The following ZNF169 variants were observed in gnomAD, a reference collection of about 807,000 sequenced individuals.
ZNF169 encodes zinc finger protein 169.
Under a neutral mutation model 12.0 loss-of-function variants are expected in ZNF169, and 11 were observed. That is an observed-to-expected ratio of 0.92 (90% CI 0.58 to 1.52). The LOEUF (loss-of-function observed/expected upper bound fraction) is 1.52, where lower values mean the gene tolerates loss of function less well. Ranked by LOEUF, ZNF169 falls within the 40% of genes most tolerant of loss-of-function variation. The pLI is 0.00. For missense variants in ZNF169, 722 were observed against 744.0 expected (o/e 0.97, Z 0.34); for synonymous variants, 302 against 286.5 (o/e 1.05, Z -0.55).
At chr9:94,293,176 C>A in intron 4 of ZNF169, 107 bp downstream of exon 4, 1 of 972,058 alleles carries the variant, frequency 1.0e-6, no homozygotes, top group Non-Finnish European at 1.6e-6. Flanking sequence ...CTTCTTCAGG[C>A]CTCCTAGGCC....
At chr9:94,285,442 G>A (rs1416678295) in intron 2 of ZNF169, among the ~76,000 whole-genome samples, 3 of 152,090 alleles carry the variant, frequency 2.0e-5, no homozygotes, top group Non-Finnish European at 4.4e-5. Flanking sequence ...ATCTTTGGAG[G>A]TTGGAAGGGG....
At chr9:94,278,442 AT>A (rs1269805981) in intron 1 of ZNF169, among the ~76,000 whole-genome samples, 1 of 152,102 alleles carries the variant, frequency 6.6e-6, no homozygotes, top group Non-Finnish European at 1.5e-5. Flanking sequence ...GAGGCATTTT[AT>A]TTTTTAACAT....
chr9:94,287,417 G>C (rs1459225544), intron 2 of ZNF169, among the ~76,000 whole-genome samples: 1 of 152,202 alleles, frequency 6.6e-6, no homozygotes, highest in Non-Finnish European at 1.5e-5. Context: ...CCAGGCTGGA[G>C]TGCAGTGGCG....
chr9:94,274,827 G>A (rs957560409), intron 1 of ZNF169, among the ~76,000 whole-genome samples: 5 of 152,198 alleles, frequency 3.3e-5, no homozygotes, highest in Admixed American at 2.0e-4. Context: ...CTGGCAACAT[G>A]GTCCACTATA....
At position 94,301,212 on chromosome 9, in the gene ZNF169, G is replaced by A. The variant is rs1434516928; in HGVS notation, c.1654G>A (p.Gly552Ser). ...CICDECGRGFGFKSALIRHQR... is the reference protein window; with the variant it reads ...CICDECGRGFSFKSALIRHQR... ...TTGCGATGAATGTGGGCGCGGCTTT[G>A]GCTTTAAGTCTGCCCTCATCCGACA... The change falls in exon 5 of 5, where the codon GGC becomes AGC. Residue 552 changes from glycine to serine, a missense_variant. By Grantham distance (56) the Gly-to-Ser change is moderately conservative. Coordinates refer to ENST00000395395, the MANE Select transcript of ZNF169 (RefSeq NM_194320.4). 1 of 1,613,862 alleles carries A rather than the reference G, an allele frequency of 6.2e-7. No individual in the cohort carries two copies. The highest frequency in any genetic ancestry group is 1.3e-5 in the African/African-American group (1 of 74,884).
At chr9:94,269,253 T>TC (rs1313736868) in intron 1 of ZNF169, among the ~76,000 whole-genome samples, 5 of 152,034 alleles carry the variant, frequency 3.3e-5, no homozygotes, top group African/African-American at 9.7e-5. Context: ...CAAAACCTGA[T>TC]CTCAACCAAA....
chr9:94,291,102 TG>T (rs1346451254), intron 2 of ZNF169, among the ~76,000 whole-genome samples: 4 of 128,536 alleles, frequency 3.1e-5, no homozygotes, highest in African/African-American at 8.5e-5. Context: ...TTGCCCAGGC[TG>T]GAGTGTAGTG....
chr9:94,288,238 G>C (rs10993142), intron 2 of ZNF169: 71,625 of 808,580 alleles, frequency 0.089, 3,996 homozygotes, highest in South Asian at 0.13. Context: ...CCCAGTGTTA[G>C]GTGAGAAGGA....
chr9:94,268,648 C>T (rs10993131), intron 1 of ZNF169, among the ~76,000 whole-genome samples: 14,085 of 151,402 alleles, frequency 0.093, 1,133 homozygotes, highest in East Asian at 0.37. Context: ...ATTAGCTGGG[C>T]GGGGTGGTGG....
chr9:94,265,871 C>T (rs1295890989), intron 1 of ZNF169, among the ~76,000 whole-genome samples: 1 of 151,964 alleles, frequency 6.6e-6, no homozygotes, highest in East Asian at 1.9e-4. Context: ...TTTCTTCAGA[C>T]CCACAATAAA....
intron 4 of ZNF169, among the ~76,000 whole-genome samples, chr9:94,298,045 T>C (rs1425358864): frequency 2.6e-5 from 4 of 151,720 alleles, no homozygotes; most frequent in African/African-American, 9.7e-5. Context: ...GGTGCGCCTG[T>C]AATCCCAGCT....
chr9:94,289,009 AT>A, intron 2 of ZNF169, among the ~76,000 whole-genome samples: 1 of 152,308 alleles, frequency 6.6e-6, no homozygotes, highest in South Asian at 2.1e-4. Context: ...TCTGATGTGG[AT>A]TTGAATGTAT....
At chr9:94,265,021 G>GTTTTTTTTTTTTTTTTTTTTTTTTTTTTT (rs55756013) in intron 1 of ZNF169, among the ~76,000 whole-genome samples, 1 of 90,682 alleles carries the variant, frequency 1.1e-5, no homozygotes, top group Non-Finnish European at 2.0e-5. Flanking sequence ...TCTGTACCCT[G>GTTTTTTTTTTTTTTTTTTTTTTTTTTTTT]TTTTTTTTTT....
chr9:94,288,652 C>T (rs1033453220), intron 2 of ZNF169: 10 of 372,262 alleles, frequency 2.7e-5, no homozygotes, highest in African/African-American at 1.5e-4. Flanking sequence ...TGAGTTCTCA[C>T]GAGATCTGAT....
intron 2 of ZNF169, chr9:94,287,704 C>T: frequency 8.3e-7 from 1 of 1,209,112 alleles, no homozygotes; most frequent in Non-Finnish European, 1.2e-6. Context: ...TTCATTTATG[C>T]TTGAAATTCT....
intron 2 of ZNF169, among the ~76,000 whole-genome samples, chr9:94,291,385 C>G (rs1043286407): frequency 6.6e-6 from 1 of 152,106 alleles, no homozygotes; most frequent in African/African-American, 2.4e-5. Context: ...AGATTAAATG[C>G]TTTCCTTCCA....
At chr9:94,288,043 C>G in intron 2 of ZNF169, 1 of 777,854 alleles carries the variant, frequency 1.3e-6, no homozygotes, top group East Asian at 2.5e-5. Flanking sequence ...TAGCCAACTA[C>G]ACTGTTGCTC....
At chr9:94,262,771 G>A (rs1185861060) in intron 1 of ZNF169, among the ~76,000 whole-genome samples, 1 of 152,098 alleles carries the variant, frequency 6.6e-6, no homozygotes. Context: ...GAAGGGTCAT[G>A]ATTTCTGACT....
intron 4 of ZNF169, among the ~76,000 whole-genome samples, chr9:94,298,982 C>T (rs1196368015): frequency 6.6e-6 from 1 of 152,170 alleles, no homozygotes; most frequent in Non-Finnish European, 1.5e-5. Context: ...ATCCCTGAAA[C>T]ATCTTTATGC....
Sources: gnomAD v4.1 joint callset for allele counts (sites outside exome capture counted in the v4.1 genomes callset) on GRCh38, gnomAD v4.1.1 for gene constraint, MANE v1.5 for transcripts, NCBI Gene and HGNC (gene_info 2026-07-23, HGNC 2026-07-21) for gene names.